VEGFC: variants seen among roughly 807,000 people sequenced by gnomAD.
The protein encoded by VEGFC is vascular endothelial growth factor C, also known as FLT4 ligand DHM.
Under a neutral mutation model 46.1 loss-of-function variants are expected in VEGFC, and 12 were observed. The observed-to-expected ratio is 0.26, with a 90% CI of 0.17 to 0.42. VEGFC has a LOEUF of 0.42. Ranked by LOEUF, VEGFC falls within the 10% of genes least tolerant of loss-of-function variation. The pLI, the probability that VEGFC is intolerant of heterozygous loss-of-function variation, is 1.00. For synonymous variants in VEGFC, 232 were observed against 195.5 expected, an observed-to-expected ratio of 1.19 and a Z score of -1.56; for missense variants, 488 against 529.4, an observed-to-expected ratio of 0.92 and a Z score of 0.77.
At chr4:176,773,765 C>G (rs902317747) in intron 1 of VEGFC, among the ~76,000 whole-genome samples, 4 of 152,126 alleles carry the variant, frequency 2.6e-5, no homozygotes, top group Admixed American at 1.3e-4. Flanking sequence ...TCACTACAGC[C>G]TTGGACTCCT....
intron 4 of VEGFC, among the ~76,000 whole-genome samples, chr4:176,699,858 G>C (rs79740733): frequency 6.6e-6 from 1 of 152,202 alleles, no homozygotes; most frequent in African/African-American, 2.4e-5. Flanking sequence ...ATGCTTAATC[G>C]TATGTATCAA....
chr4:176,701,222 A>G (rs1734426587), intron 4 of VEGFC, among the ~76,000 whole-genome samples: 1 of 152,234 alleles, frequency 6.6e-6, no homozygotes, highest in African/African-American at 2.4e-5. Flanking sequence ...AACTCTCTAT[A>G]CTTTCTGCTT....
At chr4:176,791,956 T>A (rs1301293479) in intron 1 of VEGFC, among the ~76,000 whole-genome samples, 2 of 152,170 alleles carry the variant, frequency 1.3e-5, no homozygotes, top group African/African-American at 4.8e-5. Flanking sequence ...GGCCCTTCAC[T>A]CGTGTAACTT....
intron 1 of VEGFC, among the ~76,000 whole-genome samples, chr4:176,757,494 C>G (rs942803807): frequency 6.6e-6 from 1 of 151,866 alleles, no homozygotes; most frequent in African/African-American, 2.4e-5. Context: ...TAATAGAAAG[C>G]AAGACTCATA....
At chr4:176,741,584 A>C (rs1163470520) in intron 1 of VEGFC, among the ~76,000 whole-genome samples, 3 of 151,958 alleles carry the variant, frequency 2.0e-5, no homozygotes, top group Non-Finnish European at 4.4e-5. Context: ...TTCATCCTAA[A>C]ACACATTATT....
intron 3 of VEGFC, among the ~76,000 whole-genome samples, chr4:176,726,950 G>A (rs1459740890): frequency 3.3e-5 from 5 of 152,184 alleles, no homozygotes; most frequent in African/African-American, 1.2e-4. Context: ...AAGGTCATTA[G>A]GACAACCACA....
At chr4:176,763,655 T>G (rs1434989503) in intron 1 of VEGFC, among the ~76,000 whole-genome samples, 4 of 152,208 alleles carry the variant, frequency 2.6e-5, no homozygotes, top group Admixed American at 1.3e-4. Context: ...TCAAATAATT[T>G]GGTTCATATT....
In VEGFC at chr4:176,729,722, C is replaced by T. The variant is rs200219952; in HGVS notation, c.172G>A (p.Glu58Lys). ...ACACTGGACACAGACCGTAACTGCT[C>T]CTCCAGATCTTTGCTTGCATAAGCC... ...ATAYASKDLE[E>K]QLRSVSSVDE... Residue 58 changes from glutamate (E) to lysine (K), a missense_variant, in exon 2 of 7, where the codon GAG becomes AAG. Glu to Lys is a moderately conservative substitution (Grantham distance 56). Coordinates refer to ENST00000618562, the MANE Select transcript of VEGFC (RefSeq NM_005429.5). The T allele has an allele frequency of 4.3e-5, 69 of 1,597,868 alleles. No homozygotes were observed. Among genetic ancestry groups the T allele is most frequent in the Middle Eastern group, 1.7e-4 (1 of 5,988 alleles).
At chr4:176,786,267 T>C (rs1374054838) in intron 1 of VEGFC, among the ~76,000 whole-genome samples, 1 of 152,178 alleles carries the variant, frequency 6.6e-6, no homozygotes, top group African/African-American at 2.4e-5. Flanking sequence ...ACTCAGACTT[T>C]CTCTTTGGTT....
chr4:176,683,739 T>G lies in VEGFC; in HGVS notation c.*187A>C, dbSNP rs1733983947. 1 of 415,300 alleles carries G rather than the reference T, an allele frequency of 2.4e-6. No individual in the cohort carries two copies. The highest frequency in any genetic ancestry group is 4.3e-6 in the Non-Finnish European group (1 of 234,072). 25.7% of individuals were successfully genotyped at this position (415,300 alleles called of 1,614,324 possible). A position where few individuals can be genotyped will look rare whatever the true frequency, so the allele number is the denominator to read the frequency against. On this transcript the variant is annotated 3_prime_UTR_variant, in exon 7 of 7. Transcript: ENST00000618562. ...TTTGGTCATTGGCAGAAAACCAGTCTTTACAAGAGGCCTTTTGCAGATGAG... is the reference window on the plus strand; with the variant it reads ...TTTGGTCATTGGCAGAAAACCAGTCGTTACAAGAGGCCTTTTGCAGATGAG...
intron 1 of VEGFC, among the ~76,000 whole-genome samples, chr4:176,748,788 T>C (rs1394004403): frequency 6.6e-6 from 1 of 151,896 alleles, no homozygotes; most frequent in Non-Finnish European, 1.5e-5. Flanking sequence ...AGTTTCTGAA[T>C]ATATTTAAAT....
intron 4 of VEGFC, among the ~76,000 whole-genome samples, chr4:176,697,781 T>C (rs1435731771): frequency 6.6e-6 from 1 of 151,078 alleles, no homozygotes; most frequent in Non-Finnish European, 1.5e-5. Flanking sequence ...GTGGCACATA[T>C]ACACCATGGA....
In VEGFC at chr4:176,698,210, G is replaced by A. The variant is rs539608225; in HGVS notation, c.705-10283C>T. On this transcript the variant is annotated intron_variant, in intron 4 of 6. Transcript: ENST00000618562. ...TCAACATCACAGCAGGCTATTTTGT[G>A]CATGCTATTTTTGTGATTCTCATAT... is the stretch of plus-strand genomic sequence containing the variant. Among the ~76,000 whole-genome samples the A allele has an allele frequency of 4.6e-5, 7 of 151,396 alleles. No individual in the cohort carries two copies. The South Asian group carries it at 1.5e-3, about 32-fold the overall frequency.
chr4:176,693,983 T>A (rs1299231938), intron 4 of VEGFC, among the ~76,000 whole-genome samples: 1 of 151,244 alleles, frequency 6.6e-6, no homozygotes, highest in Non-Finnish European at 1.5e-5. Flanking sequence ...AAGGAAGCGC[T>A]AAATATGGAA....
rs1234560282 is a variant in VEGFC at position 176,696,694 on chromosome 4, A to G, written c.705-8767T>C. On this transcript the variant is annotated intron_variant, in intron 4 of 6. Transcript: ENST00000618562. ...ATCACCAAGTCAACCCTAAGCCAAA[A>G]GAACAAAGCTGGAGGCATCACCCTA... Among the ~76,000 whole-genome samples, 4 of 152,170 alleles carry G rather than the reference A, an allele frequency of 2.6e-5. No individual in the cohort carries two copies. In the East Asian group the frequency reaches 7.7e-4, roughly 29 times the overall value.
chr4:176,687,662 G>A, intron 5 of VEGFC, 142 bp from the exon 6 acceptor site: 1 of 1,014,336 alleles, frequency 9.9e-7, no homozygotes, highest in Non-Finnish European at 1.4e-6. Flanking sequence ...CCTTTATAAA[G>A]GAGTTCAAAA....
chr4:176,717,463 T>G (rs1393152658), intron 3 of VEGFC, among the ~76,000 whole-genome samples: 1 of 152,122 alleles, frequency 6.6e-6, no homozygotes, highest in East Asian at 1.9e-4. Context: ...AAACAATAGG[T>G]TGTTTACAGC....
intron 1 of VEGFC, among the ~76,000 whole-genome samples, chr4:176,773,564 G>A (rs1240806284): frequency 6.6e-6 from 1 of 152,094 alleles, no homozygotes; most frequent in Non-Finnish European, 1.5e-5. Context: ...TTTTAGAGAA[G>A]GAGACCAAAG....
intron 4 of VEGFC, among the ~76,000 whole-genome samples, chr4:176,710,236 C>A (rs888142591): frequency 6.6e-6 from 1 of 152,138 alleles, no homozygotes; most frequent in East Asian, 1.9e-4. Flanking sequence ...ATGGCTAAAG[C>A]TCTCAGAATG....
Sources: allele counts gnomAD v4.1 joint callset (sites outside exome capture counted in the v4.1 genomes callset), GRCh38; gene constraint gnomAD v4.1.1; transcripts MANE v1.5; gene names NCBI Gene and HGNC (gene_info 2026-07-23, HGNC 2026-07-21).